The following DOCK1 variants were observed in gnomAD, a reference collection of about 807,000 sequenced individuals.
DOCK1 encodes dedicator of cytokinesis 1, also known as dedicator of cytokinesis protein 1.
A neutral mutation model predicts 262.7 loss-of-function variants in DOCK1; 138 were observed. The observed-to-expected ratio is 0.53, with a 90% CI of 0.46 to 0.61. The LOEUF is 0.61. DOCK1 is among the 20% of genes least tolerant of loss of function. The probability of loss-of-function intolerance (pLI) is 0.00; values close to 1 mark genes in which losing one functional copy is unlikely to be tolerated. For missense variants in DOCK1, 1,908 were observed against 2,370.7 expected, an observed-to-expected ratio of 0.80 and a Z score of 4.05; for synonymous variants, 866 against 867.4, an observed-to-expected ratio of 1.00 and a Z score of 0.03.
At chr10:127,182,500 C>T (rs1245578091) in intron 27 of DOCK1, among the ~76,000 whole-genome samples, 1 of 152,130 alleles carries the variant, frequency 6.6e-6, no homozygotes, top group Non-Finnish European at 1.5e-5. Context: ...TGTTTCACTA[C>T]CCAGTTCTTT....
chr10:127,361,711 C>G (rs1401449021), intron 32 of DOCK1, among the ~76,000 whole-genome samples: 1 of 152,190 alleles, frequency 6.6e-6, no homozygotes. Context: ...CGACTCGCAG[C>G]CCCTGCTCTA....
intron 16 of DOCK1, chr10:127,026,655 TCTTTCTTTTG>T (rs1346195297): frequency 3.0e-5 from 17 of 557,666 alleles, no homozygotes; most frequent in Non-Finnish European, 4.7e-5. Flanking sequence ...CTGGTCCCCT[TCTTTCTTTTG>T]CTTTCCAGTC....
At chr10:126,921,154 C>A (rs186095888) in intron 1 of DOCK1, among the ~76,000 whole-genome samples, 1 of 147,140 alleles carries the variant, frequency 6.8e-6, no homozygotes, top group African/African-American at 2.5e-5. Context: ...GAGCCGAGGT[C>A]GCACCATTGC....
chr10:126,947,011 A>G (rs1177396417), intron 1 of DOCK1, among the ~76,000 whole-genome samples: 1 of 152,222 alleles, frequency 6.6e-6, no homozygotes, highest in Non-Finnish European at 1.5e-5. Context: ...TCCCTGGCCC[A>G]TGACTGGGGA....
At chr10:127,298,454 G>GT (rs1024557809) in intron 29 of DOCK1, among the ~76,000 whole-genome samples, 2 of 152,180 alleles carry the variant, frequency 1.3e-5, no homozygotes, top group African/African-American at 4.8e-5. Flanking sequence ...TTAGGAGGGA[G>GT]TTTTCCCTTC....
At chr10:127,272,553 CA>C (rs1242611029) in intron 29 of DOCK1, among the ~76,000 whole-genome samples, 2 of 152,208 alleles carry the variant, frequency 1.3e-5, no homozygotes, top group African/African-American at 4.8e-5. Context: ...TCTCAACATG[CA>C]ATCTATTTTT....
At chr10:127,283,668 C>G (rs2061044642) in intron 29 of DOCK1, among the ~76,000 whole-genome samples, 1 of 152,106 alleles carries the variant, frequency 6.6e-6, no homozygotes, top group African/African-American at 2.4e-5. Flanking sequence ...TTTTACTTAC[C>G]ATTCTATCAC....
chr10:126,957,428 G>C (rs878898156), intron 1 of DOCK1, among the ~76,000 whole-genome samples: 50,359 of 151,884 alleles, frequency 0.33, 10,252 homozygotes, highest in East Asian at 0.63. Flanking sequence ...GCCAAAAACA[G>C]ATTCACAAAA....
chr10:127,076,283 C>T (rs998680740), intron 23 of DOCK1, among the ~76,000 whole-genome samples: 1 of 152,158 alleles, frequency 6.6e-6, no homozygotes, highest in Non-Finnish European at 1.5e-5. Context: ...GGGCGGATCA[C>T]AAGGTCAGTA....
chr10:126,981,014 C>G (rs2038931911), intron 3 of DOCK1, among the ~76,000 whole-genome samples: 1 of 146,360 alleles, frequency 6.8e-6, no homozygotes, highest in South Asian at 2.2e-4. Context: ...GTGGCGGGAT[C>G]TCTGCTCACT....
intron 4 of DOCK1, among the ~76,000 whole-genome samples, chr10:126,983,044 T>A (rs1239701577): frequency 6.6e-6 from 1 of 152,242 alleles, no homozygotes; most frequent in African/African-American, 2.4e-5. Flanking sequence ...TCTCAATAAG[T>A]AGAGTCACAC....
chr10:126,978,094 T>G, intron 3 of DOCK1, 106 bp downstream of exon 3: 1 of 1,105,180 alleles, frequency 9.0e-7, no homozygotes, highest in Non-Finnish European at 1.3e-6. Flanking sequence ...TCTATATCTC[T>G]TTCTCTGAAT....
chr10:127,371,088 C>G (rs908722124), intron 33 of DOCK1, among the ~76,000 whole-genome samples: 5 of 152,232 alleles, frequency 3.3e-5, no homozygotes. Context: ...ATAAAACCAG[C>G]TCTGCTCTAT....
At chr10:127,406,934 T>G (rs2067549832) in intron 40 of DOCK1, among the ~76,000 whole-genome samples, 1 of 152,150 alleles carries the variant, frequency 6.6e-6, no homozygotes, top group South Asian at 2.1e-4. Context: ...TCTTACTGAA[T>G]TTTGGAAGTG....
chr10:127,143,939 C>T (rs2051529354), intron 27 of DOCK1, among the ~76,000 whole-genome samples: 1 of 152,194 alleles, frequency 6.6e-6, no homozygotes, highest in African/African-American at 2.4e-5. Context: ...GCATCTCTGT[C>T]CTTCCAGACT....
At position 127,433,337 on chromosome 10, in the gene DOCK1, T is replaced by G; in HGVS notation, c.4969T>G (p.Phe1657Val). Residue 1657 changes from phenylalanine (F) to valine (V), a missense_variant, in exon 48 of 52, where the codon TTC (phenylalanine) becomes GTC (valine). Phe to Val is a conservative substitution (Grantham distance 50). This residue lies in a region of DOCK1 where 383 missense variants were observed against 420.1 expected (regional missense o/e 0.91). Coordinates refer to ENST00000623213, the MANE Select transcript of DOCK1 (RefSeq NM_001290223.2). The part of the protein sequence containing the change: ...GSRPRSMVRS[F>V]TMPSSSRPLS... ...CCGCCCCCGGTCCATGGTGCGGTCC[T>G]TCACGATGCCTTCCTCATCCCGCCC... 1 of 1,614,022 alleles carries G rather than the reference T, an allele frequency of 6.2e-7. No individual in the cohort carries two copies. The highest frequency in any genetic ancestry group is 1.1e-5 in the South Asian group (1 of 91,080).
At chr10:127,124,587 C>T (rs1428793718) in intron 25 of DOCK1, among the ~76,000 whole-genome samples, 1 of 152,182 alleles carries the variant, frequency 6.6e-6, no homozygotes, top group Non-Finnish European at 1.5e-5. Context: ...CAAATGGAAA[C>T]CCAAACCTGC....
At chr10:127,170,712 A>C (rs2054493758) in intron 27 of DOCK1, among the ~76,000 whole-genome samples, 1 of 152,058 alleles carries the variant, frequency 6.6e-6, no homozygotes, top group African/African-American at 2.4e-5. Flanking sequence ...TGTTCTAATA[A>C]TTGATTGGGT....
intron 22 of DOCK1, among the ~76,000 whole-genome samples, chr10:127,056,579 G>A (rs186849553): frequency 2.8e-4 from 43 of 151,624 alleles, no homozygotes; most frequent in African/African-American, 9.9e-4. Flanking sequence ...TTCTCTCCTC[G>A]CTTCGTTCTT....
Sources: gnomAD v4.1 joint callset for allele counts (sites outside exome capture counted in the v4.1 genomes callset) on GRCh38, gnomAD v4.1.1 for gene constraint, gnomAD v4.1.1 regional missense constraint, MANE v1.5 for transcripts, NCBI Gene and HGNC (gene_info 2026-07-23, HGNC 2026-07-21) for gene names.